SLC25A12: variants seen among roughly 807,000 people sequenced by gnomAD.
SLC25A12 encodes electrogenic aspartate/glutamate antiporter SLC25A12, mitochondrial.
A neutral mutation model predicts 83.3 loss-of-function variants in SLC25A12; 32 were observed. That is an observed-to-expected ratio of 0.38 (90% CI 0.29 to 0.52). SLC25A12 has a LOEUF of 0.52. SLC25A12 is among the 20% of genes least tolerant of loss of function. The probability of loss-of-function intolerance (pLI) is 0.84; values close to 1 mark genes in which losing one functional copy is unlikely to be tolerated. For missense variants in SLC25A12, 611 were observed against 835.6 expected, an observed-to-expected ratio of 0.73 and a Z score of 3.31; for synonymous variants, 267 against 291.1, an observed-to-expected ratio of 0.92 and a Z score of 0.84.
intron 8 of SLC25A12, among the ~76,000 whole-genome samples, chr2:171,827,315 T>TC (rs1336128234): frequency 1.3e-5 from 2 of 150,380 alleles, no homozygotes; most frequent in African/African-American, 4.9e-5. Context: ...TTTTTTTTTT[T>TC]CCAACGATAT....
chr2:171,819,207 T>G (rs1574695967), intron 9 of SLC25A12, among the ~76,000 whole-genome samples: 1 of 133,704 alleles, frequency 7.5e-6, no homozygotes, highest in South Asian at 2.2e-4. Context: ...TATTAATATA[T>G]AATATATAAT....
At chr2:171,880,187 G>T (rs1036437777) in intron 2 of SLC25A12, among the ~76,000 whole-genome samples, 1 of 152,036 alleles carries the variant, frequency 6.6e-6, no homozygotes, top group Non-Finnish European at 1.5e-5. Flanking sequence ...ACAGATATAT[G>T]GTGATTCATT....
chr2:171,887,576 T>G (rs1362988874), intron 2 of SLC25A12, among the ~76,000 whole-genome samples: 1 of 152,248 alleles, frequency 6.6e-6, no homozygotes, highest in African/African-American at 2.4e-5. Flanking sequence ...TTTGTCAGAC[T>G]TATGTTCCTG....
At chr2:171,801,938 T>C (rs942322542) in intron 13 of SLC25A12, among the ~76,000 whole-genome samples, 1 of 151,088 alleles carries the variant, frequency 6.6e-6, no homozygotes, top group Non-Finnish European at 1.5e-5. Context: ...TGTGTGTGTG[T>C]GTGTGTGTGT....
intron 2 of SLC25A12, among the ~76,000 whole-genome samples, 166 bp downstream of exon 2, chr2:171,893,039 G>A (rs1685978160): frequency 6.6e-6 from 1 of 151,884 alleles, no homozygotes; most frequent in Admixed American, 6.6e-5. Flanking sequence ...TTAAAAGAAG[G>A]CCTTAAATCA....
intron 9 of SLC25A12, among the ~76,000 whole-genome samples, chr2:171,817,961 T>A (rs906353803): frequency 6.6e-6 from 1 of 152,232 alleles, no homozygotes. Flanking sequence ...CATTTCTAAC[T>A]ATAAATACCC....
In SLC25A12 at chr2:171,837,160, A is replaced by C; in HGVS notation, c.573T>G (p.Ser191=). 1 of 1,614,106 alleles carries C rather than the reference A, an allele frequency of 6.2e-7. No homozygotes were observed. Residue 191 remains serine (S), a synonymous_variant, in exon 6 of 18, where the codon TCT becomes TCG. Coordinates refer to ENST00000422440, the MANE Select transcript of SLC25A12 (RefSeq NM_003705.5). ...CCTCCACAAAAGGAGTAAGCATGTG[A>C]GATCTAATGGTAACCATGATGTCAC... ...DFSDIMVTIR[S]HMLTPFVEEN...
chr2:171,830,375 A>G (rs1341833284), intron 8 of SLC25A12, among the ~76,000 whole-genome samples: 2 of 152,118 alleles, frequency 1.3e-5, no homozygotes, highest in East Asian at 3.9e-4. Flanking sequence ...TTTTGAAGAG[A>G]TATTCTCTAA....
chr2:171,828,745 A>C (rs1188346850), intron 8 of SLC25A12, among the ~76,000 whole-genome samples: 1 of 152,244 alleles, frequency 6.6e-6, no homozygotes, highest in Non-Finnish European at 1.5e-5. Flanking sequence ...CTATTATTAA[A>C]GTTCATGGCT....
chr2:171,792,198 T>G (rs1376689456), intron 14 of SLC25A12, among the ~76,000 whole-genome samples: 1 of 152,070 alleles, frequency 6.6e-6, no homozygotes, highest in Non-Finnish European at 1.5e-5. Flanking sequence ...CTCCCTCAGC[T>G]TTGTCAGAAG....
chr2:171,871,918 C>A (rs76506095), intron 2 of SLC25A12: 1,111 of 91,486 alleles, frequency 0.012, no homozygotes, highest in African/African-American at 0.016. Context: ...GACCCTGTCT[C>A]AAAAAAAAAA....
At chr2:171,808,194 G>A (rs1683875308) in intron 13 of SLC25A12, among the ~76,000 whole-genome samples, 1 of 140,242 alleles carries the variant, frequency 7.1e-6, no homozygotes, top group African/African-American at 2.7e-5. Flanking sequence ...ATAGATTTAA[G>A]AATTGGTCAT....
intron 2 of SLC25A12, among the ~76,000 whole-genome samples, chr2:171,877,250 T>C (rs1685591793): frequency 6.6e-6 from 1 of 152,178 alleles, no homozygotes; most frequent in Non-Finnish European, 1.5e-5. Flanking sequence ...GATCATGCCA[T>C]TTAAAAATGT....
intron 4 of SLC25A12, among the ~76,000 whole-genome samples, chr2:171,852,851 C>T (rs147944474): frequency 1.1e-3 from 175 of 152,250 alleles, no homozygotes; most frequent in Middle Eastern, 3.4e-3. Flanking sequence ...TTTCTTTTAT[C>T]ATTTCTCTCA....
At chr2:171,801,815 G>C (rs549395972) in intron 13 of SLC25A12, among the ~76,000 whole-genome samples, 11 of 151,960 alleles carry the variant, frequency 7.2e-5, no homozygotes, top group African/African-American at 2.7e-4. Context: ...CAGAAGGTTA[G>C]GTGTATTAAG....
At chr2:171,889,470 C>T (rs1420468117) in intron 2 of SLC25A12, among the ~76,000 whole-genome samples, 3 of 152,158 alleles carry the variant, frequency 2.0e-5, no homozygotes, top group Admixed American at 2.0e-4. Context: ...AGCCTCTCAG[C>T]TTATCACCTA....
intron 2 of SLC25A12, among the ~76,000 whole-genome samples, chr2:171,881,675 A>T (rs1352939027): frequency 6.6e-6 from 1 of 152,154 alleles, no homozygotes; most frequent in Non-Finnish European, 1.5e-5. Context: ...TAATGTAGGG[A>T]TGTGTAATTT....
At chr2:171,821,028 T>A (rs1187325041) in intron 9 of SLC25A12, among the ~76,000 whole-genome samples, 6 of 128,174 alleles carry the variant, frequency 4.7e-5, no homozygotes, top group African/African-American at 1.8e-4. Flanking sequence ...TTTTTTTTTT[T>A]TTTTTTTTTT....
intron 4 of SLC25A12, among the ~76,000 whole-genome samples, chr2:171,850,336 T>TC (rs1684900585): frequency 8.9e-6 from 1 of 112,984 alleles, no homozygotes; most frequent in Non-Finnish European, 1.9e-5. Context: ...GGCTGGTCTT[T>TC]GTTTTTTTTT....
Sources: gnomAD v4.1 joint callset for allele counts (sites outside exome capture counted in the v4.1 genomes callset) on GRCh38, gnomAD v4.1.1 for gene constraint, MANE v1.5 for transcripts, NCBI Gene and HGNC (gene_info 2026-07-23, HGNC 2026-07-21) for gene names.